Variants in OTULINL observed in about 807,000 individuals in gnomAD.
The protein encoded by OTULINL is OTU deubiquitinase with linear linkage specificity like.
Under a neutral mutation model 43.9 loss-of-function variants are expected in OTULINL, and 42 were observed. The observed-to-expected ratio is 0.96, with a 90% CI of 0.75 to 1.24. The LOEUF is 1.24. Ranked by LOEUF, OTULINL falls within the 50% of genes most tolerant of loss-of-function variation. The pLI is 0.00. For synonymous variants in OTULINL, 172 were observed against 153.6 expected, an observed-to-expected ratio of 1.12 and a Z score of -0.88; for missense variants, 411 against 426.4, an observed-to-expected ratio of 0.96 and a Z score of 0.32.
At chr5:14,589,755 A>C (rs1236293535) in intron 1 of OTULINL, among the ~76,000 whole-genome samples, 2 of 152,176 alleles carry the variant, frequency 1.3e-5, no homozygotes, top group Non-Finnish European at 2.9e-5. Flanking sequence ...GTTCGAGACC[A>C]GCCTGGCCAA....
chr5:14,609,080 G>GAGGT, intron 7 of OTULINL, 63 bp downstream of exon 7: 1 of 1,539,328 alleles, frequency 6.5e-7, no homozygotes, highest in South Asian at 1.3e-5. Context: ...TTTGAACACA[G>GAGGT]AGGTGTCTGG....
chr5:14,610,099 T>G, intron 7 of OTULINL, 42 bp from the exon 8 acceptor site: 2 of 1,572,544 alleles, frequency 1.3e-6, no homozygotes, highest in Non-Finnish European at 1.7e-6. Flanking sequence ...GGCAGGAATT[T>G]GCAAGTGTGT....
chr5:14,590,909 ACATTGTAAAGAGTTTTG>A (rs539852082), intron 1 of OTULINL, among the ~76,000 whole-genome samples: 117 of 152,318 alleles, frequency 7.7e-4, no homozygotes, highest in Middle Eastern at 6.8e-3. Context: ...AAAGAGTTTT[ACATTGTAAAGAGTTTTG>A]CATTGTAAAG....
Position 14,602,192 on chromosome 5 carries a change from G to A in OTULINL, c.358G>A (p.Glu120Lys), listed in dbSNP as rs758946237. ...RNKLMRKAYE[E>K]LFWRHHIKCV... is the part of the protein sequence containing the mutation. ...CTTTTTATTTTATTAGGCTTATGAG[G>A]AGCTATTTTGGCGGCATCACATTAA... Residue 120 changes from glutamate to lysine, a missense_variant, in exon 5 of 8, where the codon GAG (glutamate) becomes AAG (lysine). Transcript: ENST00000274217. The A allele has an allele frequency of 2.5e-6, 4 of 1,602,394 alleles. No individual in the cohort carries two copies. Among genetic ancestry groups the A allele is most frequent in the African/African-American group, 1.3e-5 (1 of 74,626 alleles).
At chr5:14,584,910 A>G (rs529501185) in intron 1 of OTULINL, among the ~76,000 whole-genome samples, 1 of 152,336 alleles carries the variant, frequency 6.6e-6, no homozygotes, top group African/African-American at 2.4e-5. Flanking sequence ...GCAGGTAATC[A>G]CTAGGCAGGC....
chr5:14,602,171 T>C lies in OTULINL; in HGVS notation c.349-12T>C. ...GGAATTAATAAACAACTTTCTCTTT[T>C]TATTTTATTAGGCTTATGAGGAGCT... On this transcript the variant is annotated splice_polypyrimidine_tract_variant and intron_variant, in intron 4 of 7. Coordinates refer to ENST00000274217, the MANE Select transcript of OTULINL (RefSeq NM_019018.3). The C allele has an allele frequency of 6.5e-7, 1 of 1,550,138 alleles. No individual in the cohort carries two copies. The highest frequency in any genetic ancestry group is 8.7e-7 in the Non-Finnish European group (1 of 1,149,124).
intron 1 of OTULINL, among the ~76,000 whole-genome samples, chr5:14,587,604 C>A (rs1301826131): frequency 6.6e-6 from 1 of 152,178 alleles, no homozygotes. Context: ...TGAAGCAGTG[C>A]AAGGCTTGGG....
Position 14,586,864 on chromosome 5 carries a change from G to A in OTULINL, c.64+4906G>A, listed in dbSNP as rs1187762237. On this transcript the variant is annotated intron_variant, in intron 1 of 7. Transcript: ENST00000274217. ...GTGAAAATCTCATTAAACATCAAGCGTTCACTGTTTCAAAAAAAAAAAAAG... is the reference window on the plus strand; with the variant it reads ...GTGAAAATCTCATTAAACATCAAGCATTCACTGTTTCAAAAAAAAAAAAAG... Among the ~76,000 whole-genome samples, 8 of 150,412 alleles carry A rather than the reference G, an allele frequency of 5.3e-5. 1 individual carries two copies. The highest frequency in any genetic ancestry group is 1.9e-4 in the East Asian group (1 of 5,132).
intron 1 of OTULINL, 81 bp from the exon 2 acceptor site, chr5:14,600,884 T>C (rs1276903384): frequency 1.6e-6 from 2 of 1,229,068 alleles, no homozygotes; most frequent in Admixed American, 7.1e-5. Flanking sequence ...ATGCAATCTC[T>C]CTCTGCATTT....
chr5:14,588,802 A>G (rs542135932), intron 1 of OTULINL, among the ~76,000 whole-genome samples: 34 of 152,306 alleles, frequency 2.2e-4, no homozygotes, highest in Non-Finnish European at 3.1e-4. Flanking sequence ...GGGAGGAAAA[A>G]GGGCAAGGAA....
rs34588050 is a variant in OTULINL at position 14,614,201 on chromosome 5, G to GTATA, written c.*3895_*3898dup. ...CAGTTAATGTGTAAAACAGAAAAAA[G>GTATA]TATATATATATCATATGTCTTTTCA... On this transcript the variant is annotated 3_prime_UTR_variant, in exon 8 of 8. Coordinates refer to ENST00000274217, the MANE Select transcript of OTULINL (RefSeq NM_019018.3). 2.2e-4 allele frequency among the ~76,000 whole-genome samples: 34 copies of GTATA among 151,820 alleles called. No homozygotes were observed. Among genetic ancestry groups the GTATA allele is most frequent in the Admixed American group, 4.6e-4 (7 of 15,246 alleles).
chr5:14,608,588 T>TA (rs1302931127), intron 6 of OTULINL, among the ~76,000 whole-genome samples, 160 bp from the exon 7 acceptor site: 8 of 152,072 alleles, frequency 5.3e-5, no homozygotes, highest in Admixed American at 6.6e-5. Context: ...CTTTTATGGT[T>TA]AAAAAAAATC....
At chr5:14,581,991 G>T (rs1235906203) in intron 1 of OTULINL, 33 bp downstream of exon 1, 2 of 1,240,782 alleles carry the variant, frequency 1.6e-6, no homozygotes, top group East Asian at 6.7e-5. Context: ...CGGGGCGGGG[G>T]GCGCGAGCAG....
At chr5:14,605,756 T>C (rs1390433314) in intron 5 of OTULINL, among the ~76,000 whole-genome samples, 1 of 152,228 alleles carries the variant, frequency 6.6e-6, no homozygotes. Flanking sequence ...ACCAGTCTCT[T>C]CGTTAAAACA....
chr5:14,600,055 C>G (rs1759357181), intron 1 of OTULINL, among the ~76,000 whole-genome samples: 2 of 152,204 alleles, frequency 1.3e-5, no homozygotes, highest in African/African-American at 2.4e-5. Flanking sequence ...TGGTTTGGCT[C>G]TGTCCCTACA....
At chr5:14,585,161 AGT>A (rs953628128) in intron 1 of OTULINL, among the ~76,000 whole-genome samples, 44 of 152,100 alleles carry the variant, frequency 2.9e-4, no homozygotes, top group Admixed American at 2.8e-3. Context: ...GGTGGTAGAA[AGT>A]GTGTGCCAAG....
At chr5:14,594,207 T>C (rs1273657678) in intron 1 of OTULINL, among the ~76,000 whole-genome samples, 2 of 152,230 alleles carry the variant, frequency 1.3e-5, no homozygotes, top group Non-Finnish European at 2.9e-5. Flanking sequence ...TTCACACTGC[T>C]GTGCTAACTT....
At chr5:14,608,476 C>T (rs1039706425) in intron 6 of OTULINL, among the ~76,000 whole-genome samples, 7 of 152,100 alleles carry the variant, frequency 4.6e-5, no homozygotes, top group Non-Finnish European at 1.5e-5. Flanking sequence ...ACCGTCAGGA[C>T]CTAATCACGT....
intron 5 of OTULINL, among the ~76,000 whole-genome samples, chr5:14,606,458 C>T: frequency 6.6e-6 from 1 of 152,170 alleles, no homozygotes; most frequent in South Asian, 2.1e-4. Context: ...TTCCCAGGCT[C>T]AGCAAACTGA....
Sources: allele counts gnomAD v4.1 joint callset (sites outside exome capture counted in the v4.1 genomes callset), GRCh38; gene constraint gnomAD v4.1.1; transcripts MANE v1.5; gene names NCBI Gene and HGNC (gene_info 2026-07-23, HGNC 2026-07-21).